The following EPHB1 variants were observed in gnomAD, a reference collection of about 807,000 sequenced individuals.
EPHB1 encodes the protein ephrin type-B receptor 1.
Under a neutral mutation model 94.4 loss-of-function variants are expected in EPHB1, and 30 were observed. The ratio of observed to expected loss-of-function variants is 0.32; its 90% CI spans 0.24 to 0.43. The LOEUF (loss-of-function observed/expected upper bound fraction) is 0.43. Among genes scored for constraint, EPHB1 ranks in the 20% least tolerant of loss-of-function variants. The pLI is 1.00. For synonymous variants in EPHB1, 522 were observed against 489.1 expected (o/e 1.07, Z -0.89); for missense variants, 1,055 against 1,308.3 (o/e 0.81, Z 2.99).
chr3:134,974,448 A>G (rs1156408947), intron 3 of EPHB1, among the ~76,000 whole-genome samples: 1 of 152,176 alleles, frequency 6.6e-6, no homozygotes, highest in Non-Finnish European at 1.5e-5. Context: ...TGTTATGGGA[A>G]TTGAGTGAAT....
chr3:135,083,184 A>C (rs911166593), intron 3 of EPHB1, among the ~76,000 whole-genome samples: 1 of 152,170 alleles, frequency 6.6e-6, no homozygotes, highest in African/African-American at 2.4e-5. Context: ...GCAGCTGTAG[A>C]AAGTCATGTC....
At chr3:134,958,197 G>C (rs1274283301) in intron 3 of EPHB1, among the ~76,000 whole-genome samples, 2 of 152,180 alleles carry the variant, frequency 1.3e-5, no homozygotes, top group Non-Finnish European at 2.9e-5. Flanking sequence ...TTGTCAGCTT[G>C]AGCAGCTGAG....
At chr3:134,924,956 A>G (rs983171915) in intron 1 of EPHB1, among the ~76,000 whole-genome samples, 1 of 152,118 alleles carries the variant, frequency 6.6e-6, no homozygotes, top group African/African-American at 2.4e-5. Context: ...GACTAAATAA[A>G]CTTTTGGGTA....
chr3:135,162,254 G>T lies in EPHB1; in HGVS notation c.1585+74G>T, dbSNP rs1941530787. 4 of 1,441,948 alleles carry T rather than the reference G, an allele frequency of 2.8e-6. No homozygotes were observed. The East Asian group carries it at 7.7e-5, about 28-fold the overall frequency. The allele number at this position is 1,441,948 out of a possible 1,614,324, so 89.3% of individuals were successfully genotyped here. Reference sequence around the variant, plus strand: ...GAGAAAAAGTAGCCCCAAAGATGCTGCACTAGCCAAAAATGCTGATCTCCA... The same window carrying T: ...GAGAAAAAGTAGCCCCAAAGATGCTTCACTAGCCAAAAATGCTGATCTCCA... On this transcript the variant is annotated intron_variant, in intron 7 of 15. Coordinates refer to ENST00000398015, the MANE Select transcript of EPHB1 (RefSeq NM_004441.5).
intron 12 of EPHB1, among the ~76,000 whole-genome samples, chr3:135,230,019 A>T (rs1031655475): frequency 6.6e-6 from 1 of 152,224 alleles, no homozygotes; most frequent in African/African-American, 2.4e-5. Context: ...ACTGGCTGAC[A>T]GAGAGGAAGC....
chr3:135,138,142 G>T (rs1407098067), intron 5 of EPHB1, among the ~76,000 whole-genome samples: 1 of 152,190 alleles, frequency 6.6e-6, no homozygotes, highest in Non-Finnish European at 1.5e-5. Flanking sequence ...ATTACATGCA[G>T]TTCATGTATG....
chr3:134,801,674 A>G lies in EPHB1; in HGVS notation c.58+5985A>G, dbSNP rs555935553. Among the ~76,000 whole-genome samples the G allele has an allele frequency of 4.6e-5, 7 of 152,354 alleles. No individual in the cohort carries two copies. The South Asian group carries it at 1.2e-3, about 27-fold the overall frequency. Reference sequence around the variant, plus strand: ...AAAGTAACACCTTGGGAAAGATTTCATATTTAAAAGCAAAATTTTGCATGA... The same window carrying G: ...AAAGTAACACCTTGGGAAAGATTTCGTATTTAAAAGCAAAATTTTGCATGA... On this transcript the variant is annotated intron_variant, in intron 1 of 15. Coordinates refer to ENST00000398015, the MANE Select transcript of EPHB1 (RefSeq NM_004441.5).
intron 4 of EPHB1, among the ~76,000 whole-genome samples, chr3:135,117,397 T>A (rs1939760844): frequency 6.6e-6 from 1 of 152,228 alleles, no homozygotes; most frequent in Non-Finnish European, 1.5e-5. Flanking sequence ...TGCTATGATA[T>A]GGGATTGGCT....
At chr3:134,826,180 A>C (rs1169235333) in intron 1 of EPHB1, among the ~76,000 whole-genome samples, 3 of 143,738 alleles carry the variant, frequency 2.1e-5, no homozygotes, top group African/African-American at 8.0e-5. Context: ...TGAATCCAGG[A>C]GGTGGAGGTT....
intron 4 of EPHB1, among the ~76,000 whole-genome samples, chr3:135,132,179 G>A (rs576369843): frequency 2.8e-4 from 42 of 152,136 alleles, no homozygotes; most frequent in Admixed American, 9.2e-4. Context: ...CATCTATTCA[G>A]GTGCTCTGGA....
At chr3:135,086,806 G>A (rs1396725264) in intron 3 of EPHB1, among the ~76,000 whole-genome samples, 1 of 152,026 alleles carries the variant, frequency 6.6e-6, no homozygotes, top group Non-Finnish European at 1.5e-5. Context: ...TTTGAGAATG[G>A]GGACTCCAGC....
intron 2 of EPHB1, among the ~76,000 whole-genome samples, chr3:134,942,250 T>C (rs1578215886): frequency 6.6e-6 from 1 of 152,138 alleles, no homozygotes; most frequent in South Asian, 2.1e-4. Flanking sequence ...CCCAACACAG[T>C]CCCAGCCTGT....
chr3:134,866,703 A>G (rs1289910198), intron 1 of EPHB1, among the ~76,000 whole-genome samples: 1 of 152,222 alleles, frequency 6.6e-6, no homozygotes, highest in Non-Finnish European at 1.5e-5. Flanking sequence ...ATGCAGCAAC[A>G]TTTACCAAGG....
intron 1 of EPHB1, among the ~76,000 whole-genome samples, chr3:134,884,467 A>G (rs1473133740): frequency 6.6e-6 from 1 of 152,228 alleles, no homozygotes; most frequent in Admixed American, 6.5e-5. Context: ...CTCAGATGCC[A>G]TTCCTGGGGA....
chr3:135,045,347 T>C (rs1347848104), intron 3 of EPHB1, among the ~76,000 whole-genome samples: 2 of 152,252 alleles, frequency 1.3e-5, no homozygotes, highest in Admixed American at 1.3e-4. Flanking sequence ...TAGTGTTTGA[T>C]TAAGTCTTTA....
At chr3:135,156,214 G>C (rs1297586062) in intron 6 of EPHB1, among the ~76,000 whole-genome samples, 1 of 151,892 alleles carries the variant, frequency 6.6e-6, no homozygotes, top group Non-Finnish European at 1.5e-5. Flanking sequence ...GCAGAGATGT[G>C]AGATAGGCAG....
At chr3:134,870,801 G>A (rs186905481) in intron 1 of EPHB1, among the ~76,000 whole-genome samples, 1 of 152,366 alleles carries the variant, frequency 6.6e-6, no homozygotes, top group East Asian at 1.9e-4. Context: ...TACAGAGTAA[G>A]TACTTAGTAT....
intron 13 of EPHB1, among the ~76,000 whole-genome samples, chr3:135,242,217 T>G (rs1176079044): frequency 6.6e-6 from 1 of 152,156 alleles, no homozygotes; most frequent in Non-Finnish European, 1.5e-5. Context: ...GGATTACAAT[T>G]TGCAAAGCTG....
intron 15 of EPHB1, among the ~76,000 whole-genome samples, chr3:135,251,466 A>T (rs2107732817): frequency 1.3e-5 from 2 of 152,336 alleles, no homozygotes; most frequent in South Asian, 4.1e-4. Flanking sequence ...ATAATCAATG[A>T]CAAAGATAAG....
Sources: allele counts gnomAD v4.1 joint callset (sites outside exome capture counted in the v4.1 genomes callset), GRCh38; gene constraint gnomAD v4.1.1; transcripts MANE v1.5; gene names NCBI Gene and HGNC (gene_info 2026-07-23, HGNC 2026-07-21).